TLX1: variants seen among roughly 807,000 people sequenced by gnomAD.
The protein encoded by TLX1 is T-cell leukemia homeobox protein 1.
A neutral mutation model predicts 26.5 loss-of-function variants in TLX1; 6 were observed. That is an observed-to-expected ratio of 0.23 (90% CI 0.12 to 0.45). The LOEUF is 0.45. Ranked by LOEUF, TLX1 falls within the 20% of genes least tolerant of loss-of-function variation. The pLI is 0.99. For synonymous variants in TLX1, 217 were observed against 219.7 expected (o/e 0.99, Z 0.11); for missense variants, 418 against 482.6 (o/e 0.87, Z 1.25).
At chr10:101,133,968 A>G (rs1940233549) in intron 1 of TLX1, among the ~76,000 whole-genome samples, 1 of 152,100 alleles carries the variant, frequency 6.6e-6, no homozygotes, top group Non-Finnish European at 1.5e-5. Context: ...ACTGGCGGGC[A>G]GGAGGAGGCC....
At position 101,131,420 on chromosome 10, in the gene TLX1, C is replaced by T. The variant is rs937214339; in HGVS notation, c.-122C>T. The T allele has an allele frequency of 2.9e-5, 21 of 712,802 alleles. No individual in the cohort carries two copies. Among genetic ancestry groups the T allele is most frequent in the Middle Eastern group, 4.3e-4 (1 of 2,348 alleles). The allele number at this position is 712,802 out of a possible 1,614,324, so 44.2% of individuals were successfully genotyped here. Reference sequence around the variant, plus strand: ...CCTTCTACTTTAGCCTTTCTGCGCACTTCGCTTCCAAGTCTCCGCGCAGCC... The same window carrying T: ...CCTTCTACTTTAGCCTTTCTGCGCATTTCGCTTCCAAGTCTCCGCGCAGCC... On this transcript the variant is annotated 5_prime_UTR_variant, in exon 1 of 3. Coordinates refer to ENST00000370196, the MANE Select transcript of TLX1 (RefSeq NM_005521.4).
chr10:101,135,829 G>C (rs1297515784), intron 2 of TLX1, among the ~76,000 whole-genome samples: 1 of 152,176 alleles, frequency 6.6e-6, no homozygotes, highest in African/African-American at 2.4e-5. Flanking sequence ...GAAAACGAGA[G>C]ATAAGACACA....
In TLX1 at chr10:101,131,729, C is replaced by G. The variant is rs750325726; in HGVS notation, c.188C>G (p.Ala63Gly). The change falls in exon 1 of 3, where the codon GCG becomes GGG. Residue 63 changes from alanine (A) to glycine (G), a missense_variant. By Grantham distance (60) the Ala-to-Gly change is moderately conservative (BLOSUM62 0). This residue lies in a region of TLX1 where 322 missense variants were observed against 344.6 expected (regional missense o/e 0.93). Coordinates refer to ENST00000370196, the MANE Select transcript of TLX1 (RefSeq NM_005521.4). ...TACACTTACGGCGGCGGGGGCTCCG[C>G]GGCCGCGACGGGGGCTGGAGGAGCG... ...GAYTYGGGGS[A>G]AATGAGGAGA... 8 of 1,442,696 alleles carry G rather than the reference C, an allele frequency of 5.5e-6. No homozygotes were observed. Among genetic ancestry groups the G allele is most frequent in the Non-Finnish European group, 7.2e-6 (8 of 1,103,622 alleles). The allele number at this position is 1,442,696 out of a possible 1,614,324, so 89.4% of individuals were successfully genotyped here. A position where few individuals can be genotyped will look rare whatever the true frequency, so the allele number is the denominator to read the frequency against.
chr10:101,133,979 G>T (rs921639511), intron 1 of TLX1, among the ~76,000 whole-genome samples, 196 bp from the exon 2 acceptor site: 1 of 152,144 alleles, frequency 6.6e-6, no homozygotes, highest in Non-Finnish European at 1.5e-5. Flanking sequence ...GGAGGAGGCC[G>T]TTTCCCGCCG....
Position 101,131,604 on chromosome 10 carries a change from C to T in TLX1, c.63C>T (p.Ile21=). 1 of 1,564,894 alleles carries T rather than the reference C, an allele frequency of 6.4e-7. No homozygotes were observed. The highest frequency in any genetic ancestry group is 8.6e-7 in the Non-Finnish European group (1 of 1,158,718). ...ACGCAGAGCCCATTAGCTTCGGCAT[C>T]GACCAGATCCTCAACAGCCCGGACC... ...PGHAEPISFG[I]DQILNSPDQG... Residue 21 remains isoleucine (I), a synonymous_variant, in exon 1 of 3, where the codon ATC becomes ATT. Coordinates refer to ENST00000370196, the MANE Select transcript of TLX1 (RefSeq NM_005521.4).
Position 101,131,782 on chromosome 10 carries a change from G to T in TLX1, c.241G>T (p.Gly81Cys). The T allele has an allele frequency of 7.2e-7, 1 of 1,386,848 alleles. No individual in the cohort carries two copies. 85.9% of individuals were successfully genotyped at this position (1,386,848 alleles called of 1,614,324 possible). ...AGAYGTGGPGGPGGPAGGGGA... is the reference protein window; with the variant it reads ...AGAYGTGGPGCPGGPAGGGGA... ...GGCCTATGGTACTGGAGGTCCCGGCGGCCCCGGAGGCCCGGCAGGCGGCGG... is the reference window on the plus strand; with the variant it reads ...GGCCTATGGTACTGGAGGTCCCGGCTGCCCCGGAGGCCCGGCAGGCGGCGG... The change falls in exon 1 of 3, where the codon GGC becomes TGC. Residue 81 changes from glycine to cysteine, a missense_variant. Gly to Cys is a radical substitution (Grantham distance 159, BLOSUM62 -3). Around this residue, in one of 3 missense-constraint regions of TLX1, gnomAD observed 322 missense variants for 344.6 expected, o/e 0.93. Transcript: ENST00000370196.
At position 101,137,063 on chromosome 10, in the gene TLX1, G is replaced by A. The variant is rs1385127865; in HGVS notation, c.*150G>A. On this transcript the variant is annotated 3_prime_UTR_variant, in exon 3 of 3. Coordinates refer to ENST00000370196, the MANE Select transcript of TLX1 (RefSeq NM_005521.4). ...GGCCCCGAAGGGCCCCCACATTTGT[G>A]CCGACACTGTTCTCCCTTCGGTGGA... The A allele has an allele frequency of 1.5e-5, 16 of 1,032,812 alleles. No individual in the cohort carries two copies. The East Asian group carries it at 3.4e-4, about 22-fold the overall frequency. The allele number at this position is 1,032,812 out of a possible 1,614,324, so 64.0% of individuals were successfully genotyped here.
intron 2 of TLX1, chr10:101,135,285 G>C (rs1037978831): frequency 6.5e-6 from 1 of 153,152 alleles, no homozygotes; most frequent in African/African-American, 2.4e-5. Context: ...GGCGAAGTCG[G>C]CGGCGCCGAG....
At chr10:101,133,031 G>GATCCTTCC (rs2134303097) in intron 1 of TLX1, 1 of 152,458 alleles carries the variant, frequency 6.6e-6, no homozygotes, top group East Asian at 1.9e-4. Context: ...CCTAGACCAC[G>GATCCTTCC]ATCCTTCCGT....
At chr10:101,134,406 C>A in intron 2 of TLX1, 30 bp downstream of exon 2, 1 of 1,512,422 alleles carries the variant, frequency 6.6e-7, no homozygotes, top group South Asian at 1.3e-5. Context: ...CGGCCGCCCG[C>A]GAGCGGCGCG....
In TLX1 at chr10:101,134,283, T is replaced by C; in HGVS notation, c.677T>C (p.Leu226Pro). 6.2e-7 allele frequency: 1 copy of C among 1,612,138 alleles called. No homozygotes were observed. Among genetic ancestry groups the C allele is most frequent in the Non-Finnish European group, 8.5e-7 (1 of 1,179,522 alleles). ...LEKRFHRQKYLASAERAALAK... is the reference protein window; with the variant it reads ...LEKRFHRQKYPASAERAALAK... ...AAGCGCTTCCACCGCCAGAAGTACC[T>C]GGCCTCGGCCGAGCGCGCCGCCCTG... Residue 226 changes from leucine to proline, a missense_variant, in exon 2 of 3, where the codon CTG (leucine) becomes CCG (proline). Leu to Pro is a moderately conservative substitution (Grantham distance 98, BLOSUM62 -3). This residue lies in a region of TLX1 where 322 missense variants were observed against 344.6 expected (regional missense o/e 0.93). Coordinates refer to ENST00000370196, the MANE Select transcript of TLX1 (RefSeq NM_005521.4).
chr10:101,135,114 T>C (rs1940266044), intron 2 of TLX1, among the ~76,000 whole-genome samples: 2 of 152,230 alleles, frequency 1.3e-5, no homozygotes, highest in Admixed American at 1.3e-4. Flanking sequence ...TCCCCAACAC[T>C]CTCGAGCAGC....
rs1170476995 is a variant in TLX1 at position 101,136,836 on chromosome 10, C to T, written c.916C>T (p.Leu306=). Residue 306 remains leucine, a synonymous_variant, in exon 3 of 3, where the codon CTG becomes TTG. Coordinates refer to ENST00000370196, the MANE Select transcript of TLX1 (RefSeq NM_005521.4). ...CGTGCACAACTCGTCGCTCTTCGCC[C>T]TGCAGAATCTGCAGCCGTGGTCTGA... ...LCVHNSSLFA[L]QNLQPWSDDS... 7 of 1,613,664 alleles carry T rather than the reference C, an allele frequency of 4.3e-6. No individual in the cohort carries two copies. In the African/African-American group the frequency reaches 6.7e-5, roughly 15 times the overall value.
chr10:101,134,105 C>T (rs573032284), intron 1 of TLX1, 70 bp from the exon 2 acceptor site: 4 of 1,443,804 alleles, frequency 2.8e-6, no homozygotes, highest in African/African-American at 2.9e-5. Context: ...CGCTCTGCTG[C>T]TTGCCTCTGC....
chr10:101,134,018 G>T, intron 1 of TLX1, 157 bp from the exon 2 acceptor site: 1 of 667,132 alleles, frequency 1.5e-6, no homozygotes, highest in Non-Finnish European at 2.5e-6. Context: ...CTAACGGGAG[G>T]ATCTCGGCCC....
chr10:101,136,256 G>C (rs140499990), intron 2 of TLX1, among the ~76,000 whole-genome samples: 1 of 152,314 alleles, frequency 6.6e-6, no homozygotes, highest in Non-Finnish European at 1.5e-5. Flanking sequence ...AGAGCAGATC[G>C]TACCCGCTGG....
In TLX1 at chr10:101,131,315, ACAGCGAGCGAG is replaced by A. The variant is rs1940163641; in HGVS notation, c.-222_-212del. 2 of 419,798 alleles carry A rather than the reference ACAGCGAGCGAG, an allele frequency of 4.8e-6. No individual in the cohort carries two copies. The highest frequency in any genetic ancestry group is 8.3e-6 in the Non-Finnish European group (2 of 241,596). The allele number at this position is 419,798 out of a possible 1,614,324, so 26.0% of individuals were successfully genotyped here. On this transcript the variant is annotated 5_prime_UTR_variant, in exon 1 of 3. The change creates a premature stop within an existing upstream ORF in the 5' untranslated region. Coordinates refer to ENST00000370196, the MANE Select transcript of TLX1 (RefSeq NM_005521.4). ...CCTGGTGATTGATGTCCCAGAGTCAACAGCGAGCGAGCAGCCGGAGCGGGGAAGCAGAAGCC... is the reference window on the plus strand; with the variant it reads ...CCTGGTGATTGATGTCCCAGAGTCAACAGCCGGAGCGGGGAAGCAGAAGCC...
At position 101,134,270 on chromosome 10, in the gene TLX1, C is replaced by T; in HGVS notation, c.664C>T (p.Arg222Cys). 4 of 1,612,300 alleles carry T rather than the reference C, an allele frequency of 2.5e-6. No individual in the cohort carries two copies. The highest frequency in any genetic ancestry group is 3.4e-6 in the Non-Finnish European group (4 of 1,179,448). Reference sequence around the variant, plus strand: ...CTGCGAGCTGGAGAAGCGCTTCCACCGCCAGAAGTACCTGGCCTCGGCCGA... The same window carrying T: ...CTGCGAGCTGGAGAAGCGCTTCCACTGCCAGAAGTACCTGGCCTCGGCCGA... ...QICELEKRFH[R>C]QKYLASAERA... The change falls in exon 2 of 3, where the codon CGC (arginine) becomes TGC (cysteine). Residue 222 changes from arginine (R) to cysteine (C), a missense_variant. Coordinates refer to ENST00000370196, the MANE Select transcript of TLX1 (RefSeq NM_005521.4).
Position 101,137,054 on chromosome 10 carries a change from C to A in TLX1, c.*141C>A, listed in dbSNP as rs996190840. 15 of 1,105,802 alleles carry A rather than the reference C, an allele frequency of 1.4e-5. No homozygotes were observed. The highest frequency in any genetic ancestry group is 1.6e-5 in the Non-Finnish European group (13 of 793,958). The allele number at this position is 1,105,802 out of a possible 1,614,324, so 68.5% of individuals were successfully genotyped here. ...CCCTCGCACGGCCCCGAAGGGCCCC[C>A]ACATTTGTGCCGACACTGTTCTCCC... On this transcript the variant is annotated 3_prime_UTR_variant, in exon 3 of 3. Transcript: ENST00000370196.
Sources: allele counts gnomAD v4.1 joint callset (sites outside exome capture counted in the v4.1 genomes callset), GRCh38; gene constraint gnomAD v4.1.1; regional missense constraint gnomAD v4.1.1; transcripts MANE v1.5; gene names NCBI Gene and HGNC (gene_info 2026-07-23, HGNC 2026-07-21).